Variants in CCNJL observed in about 807,000 individuals in gnomAD.
The protein encoded by CCNJL is cyclin J like.
A neutral mutation model predicts 33.4 loss-of-function variants in CCNJL; 33 were observed. The ratio of observed to expected loss-of-function variants is 0.99; its 90% CI spans 0.75 to 1.32. CCNJL has a LOEUF of 1.32. Ranked by LOEUF, CCNJL falls within the 40% of genes most tolerant of loss-of-function variation. The pLI is 0.00. For synonymous variants in CCNJL, 227 were observed against 220.9 expected, an observed-to-expected ratio of 1.03 and a Z score of -0.24; for missense variants, 512 against 499.7, an observed-to-expected ratio of 1.02 and a Z score of -0.23.
intron 3 of CCNJL, among the ~76,000 whole-genome samples, chr5:160,278,589 C>T (rs529185589): frequency 9.1e-4 from 138 of 152,280 alleles, no homozygotes; most frequent in African/African-American, 3.1e-3. Flanking sequence ...CCCTCAGACA[C>T]GTGGGTGGGG....
chr5:160,268,792 T>C (rs1452499715), intron 3 of CCNJL, among the ~76,000 whole-genome samples: 1 of 152,172 alleles, frequency 6.6e-6, no homozygotes, highest in Non-Finnish European at 1.5e-5. Flanking sequence ...CACCAGCCAT[T>C]CCTGGGCTTC....
intron 2 of CCNJL, 190 bp from the exon 3 acceptor site, chr5:160,280,928 G>A: frequency 1.4e-6 from 1 of 692,118 alleles, no homozygotes; most frequent in Non-Finnish European, 2.6e-6. Flanking sequence ...ACTAAGCACA[G>A]GCTCATAAAG....
chr5:160,271,321 G>A (rs1186536666), intron 3 of CCNJL, among the ~76,000 whole-genome samples: 1 of 151,910 alleles, frequency 6.6e-6, no homozygotes, highest in African/African-American at 2.4e-5. Context: ...TTAATTATTC[G>A]TGCAGCTTGA....
At chr5:160,273,454 A>G (rs1031202702) in intron 3 of CCNJL, among the ~76,000 whole-genome samples, 7 of 152,142 alleles carry the variant, frequency 4.6e-5, no homozygotes, top group Admixed American at 2.0e-4. Context: ...AATCACCAAC[A>G]AAAAGCACAA....
At chr5:160,338,803 T>TTC in intron 1 of CCNJL, among the ~76,000 whole-genome samples, 1 of 115,124 alleles carries the variant, frequency 8.7e-6, no homozygotes, top group East Asian at 2.6e-4. Context: ...TCTTCTTCTT[T>TTC]TTTTTTGAGA....
intron 1 of CCNJL, among the ~76,000 whole-genome samples, chr5:160,318,894 T>A (rs1347854351): frequency 6.6e-6 from 1 of 152,220 alleles, no homozygotes; most frequent in East Asian, 1.9e-4. Context: ...TAAAAACTCT[T>A]GCTAATACTT....
At chr5:160,335,748 A>AC (rs1455695161) in intron 1 of CCNJL, among the ~76,000 whole-genome samples, 5 of 125,552 alleles carry the variant, frequency 4.0e-5, no homozygotes, top group African/African-American at 1.3e-4. Context: ...TTTTTTTTGA[A>AC]ATTTTTTTTT....
intron 2 of CCNJL, among the ~76,000 whole-genome samples, chr5:160,288,057 C>T (rs1429702683): frequency 5.3e-5 from 8 of 152,004 alleles, no homozygotes; most frequent in East Asian, 3.9e-4. Flanking sequence ...GGTGGAGTTC[C>T]GGGAAAAAGA....
intron 2 of CCNJL, among the ~76,000 whole-genome samples, chr5:160,285,788 AC>A (rs1227554457): frequency 6.6e-5 from 10 of 152,166 alleles, no homozygotes; most frequent in Admixed American, 6.5e-4. Context: ...GCCTTGCCCT[AC>A]TCTGAGGGCA....
chr5:160,270,987 A>G (rs905646483), intron 3 of CCNJL, among the ~76,000 whole-genome samples: 2 of 152,224 alleles, frequency 1.3e-5, no homozygotes, highest in Non-Finnish European at 2.9e-5. Flanking sequence ...TATGTCGGTG[A>G]CAAAGAGAGA....
At chr5:160,283,661 C>A (rs545109456) in intron 2 of CCNJL, among the ~76,000 whole-genome samples, 1 of 152,170 alleles carries the variant, frequency 6.6e-6, no homozygotes, top group African/African-American at 2.4e-5. Flanking sequence ...TTGAAATGTA[C>A]AATTAAGATA....
intron 3 of CCNJL, among the ~76,000 whole-genome samples, chr5:160,263,747 G>T (rs1355881471): frequency 6.6e-6 from 1 of 152,178 alleles, no homozygotes; most frequent in East Asian, 1.9e-4. Flanking sequence ...TAATCTGGGA[G>T]GGCACACTTT....
rs550582948 is a variant in CCNJL at position 160,319,930 on chromosome 5, T to TA, written n.207-4426dup. Among the ~76,000 whole-genome samples the TA allele has an allele frequency of 2.2e-4, 33 of 151,482 alleles. 1 individual carries two copies. The highest frequency in any genetic ancestry group is 8.0e-4 in the African/African-American group (33 of 41,380). ...GCAAGACCCTGTCTCAATAAATAAA[T>TA]AATAAATAAATAAATAAATAAATAA... is the stretch of plus-strand genomic sequence containing the variant. On this transcript the variant is annotated intron_variant and non_coding_transcript_variant, in intron 1 of 7. Coordinates refer to the CCNJL transcript ENST00000377503.
chr5:160,282,200 C>CTCAT (rs370470217), intron 2 of CCNJL, among the ~76,000 whole-genome samples: 74 of 152,254 alleles, frequency 4.9e-4, no homozygotes, highest in Middle Eastern at 3.4e-3. Flanking sequence ...GGGATATCTG[C>CTCAT]TCATTCATTC....
intron 1 of CCNJL, among the ~76,000 whole-genome samples, chr5:160,332,617 A>C (rs1292389553): frequency 1.3e-5 from 2 of 152,092 alleles, no homozygotes; most frequent in Non-Finnish European, 2.9e-5. Context: ...CATTCTGGGC[A>C]TGCTCCCACC....
chr5:160,282,868 G>T (rs914333924), intron 2 of CCNJL, among the ~76,000 whole-genome samples: 7 of 149,988 alleles, frequency 4.7e-5, no homozygotes, highest in African/African-American at 1.7e-4. Flanking sequence ...CTGCTGGTGG[G>T]TAAGTAAAAT....
At position 160,321,279 on chromosome 5, in the gene CCNJL, A is replaced by AC. The variant is rs1435477189; in HGVS notation, n.207-5775dup. Among the ~76,000 whole-genome samples, 9 of 151,466 alleles carry AC rather than the reference A, an allele frequency of 5.9e-5. No homozygotes were observed. The East Asian group carries it at 7.8e-4, about 13-fold the overall frequency. Reference sequence around the variant, plus strand: ...GAAATAAAAGGCACCATTAACTTCAACCCCCCTGAGCCTGCCAGCCCTGCT... The same window carrying AC: ...GAAATAAAAGGCACCATTAACTTCAACCCCCCCTGAGCCTGCCAGCCCTGCT... On this transcript the variant is annotated intron_variant and non_coding_transcript_variant, in intron 1 of 7. Transcript: ENST00000377503.
intron 3 of CCNJL, among the ~76,000 whole-genome samples, chr5:160,267,707 A>G (rs528494896): frequency 2.4e-4 from 36 of 152,310 alleles, no homozygotes; most frequent in African/African-American, 8.4e-4. Context: ...AAATACTCTT[A>G]ATTTTGAAAA....
In CCNJL at chr5:160,251,928, T is replaced by C. The variant is rs1760822390; in HGVS notation, c.*1450A>G. On this transcript the variant is annotated 3_prime_UTR_variant, in exon 6 of 6. Coordinates refer to ENST00000257536, the MANE Select transcript of CCNJL (RefSeq NM_001308173.3). ...CTGTCTCCATGCTGAGATTTTCAGC[T>C]GCTCTGGAAAGATTCACCACCTTCC... 1 of 152,234 alleles carries C rather than the reference T, an allele frequency of 6.6e-6. No homozygotes were observed. The highest frequency in any genetic ancestry group is 1.5e-5 in the Non-Finnish European group (1 of 68,064). 9.4% of individuals were successfully genotyped at this position (152,234 alleles called of 1,614,324 possible).
Sources: allele counts gnomAD v4.1 joint callset (sites outside exome capture counted in the v4.1 genomes callset), GRCh38; gene constraint gnomAD v4.1.1; transcripts MANE v1.5; gene names NCBI Gene and HGNC (gene_info 2026-07-23, HGNC 2026-07-21).